The following ADGRB3 variants were observed in gnomAD, a reference collection of about 807,000 sequenced individuals.
ADGRB3 encodes adhesion G protein-coupled receptor B3.
Under a neutral mutation model 193.4 loss-of-function variants are expected in ADGRB3, and 37 were observed. The observed-to-expected ratio is 0.19, with a 90% CI of 0.15 to 0.25. ADGRB3 has a LOEUF of 0.25. Among genes scored for constraint, ADGRB3 ranks in the 10% least tolerant of loss-of-function variants. ADGRB3 has a pLI of 1.00. For synonymous variants in ADGRB3, 690 were observed against 644.2 expected, an observed-to-expected ratio of 1.07 and a Z score of -1.08; for missense variants, 1,637 against 1,852.9, an observed-to-expected ratio of 0.88 and a Z score of 2.14.
At chr6:68,760,876 T>A (rs1766383807) in intron 3 of ADGRB3, among the ~76,000 whole-genome samples, 1 of 152,206 alleles carries the variant, frequency 6.6e-6, no homozygotes, top group South Asian at 2.1e-4. Context: ...GCATTCAACA[T>A]GCAATTTAGA....
intron 3 of ADGRB3, among the ~76,000 whole-genome samples, chr6:68,699,156 C>T (rs2127307551): frequency 6.6e-6 from 1 of 152,234 alleles, no homozygotes; most frequent in South Asian, 2.1e-4. Flanking sequence ...GACATTAACT[C>T]TTCTGTATTT....
At chr6:68,913,996 A>T (rs1472917460) in intron 3 of ADGRB3, among the ~76,000 whole-genome samples, 3 of 151,352 alleles carry the variant, frequency 2.0e-5, no homozygotes, top group Admixed American at 1.3e-4. Flanking sequence ...TTAGAGAAAA[A>T]AGAATAAAAA....
At chr6:69,233,563 T>G in intron 18 of ADGRB3, 147 bp downstream of exon 18, 1 of 1,036,000 alleles carries the variant, frequency 9.7e-7, no homozygotes, top group African/African-American at 1.6e-5. Flanking sequence ...CTATAGTAGC[T>G]TGGTGGAATG....
At chr6:68,873,120 C>T in intron 3 of ADGRB3, among the ~76,000 whole-genome samples, 1 of 152,134 alleles carries the variant, frequency 6.6e-6, no homozygotes, top group Non-Finnish European at 1.5e-5. Flanking sequence ...AGGAAAACAG[C>T]ATTGCTGAAA....
chr6:69,060,220 T>TCTCTCTCTC (rs1771697794), intron 15 of ADGRB3, among the ~76,000 whole-genome samples: 62 of 129,542 alleles, frequency 4.8e-4, no homozygotes, highest in Non-Finnish European at 6.7e-4. Context: ...CTCTCTCTCT[T>TCTCTCTCTC]TCTCTCTCTC....
At chr6:69,143,570 A>T (rs1314192053) in intron 17 of ADGRB3, among the ~76,000 whole-genome samples, 2 of 152,172 alleles carry the variant, frequency 1.3e-5, no homozygotes, top group African/African-American at 2.4e-5. Flanking sequence ...ATGCCAAGAG[A>T]CAGGGGTGTA....
intron 17 of ADGRB3, among the ~76,000 whole-genome samples, chr6:69,129,497 A>G (rs949575465): frequency 2.6e-5 from 4 of 152,114 alleles, no homozygotes; most frequent in Non-Finnish European, 5.9e-5. Context: ...AAACATAAGA[A>G]CATTGGAAGA....
At position 68,912,509 on chromosome 6, in the gene ADGRB3, C is replaced by T. The variant is rs193254073; in HGVS notation, c.758-18050C>T. ...CATTAGGTATATCTCCTAATGCTATCCCTCCCCGCTCCCTCCACCCCACAA... is the reference window on the plus strand; with the variant it reads ...CATTAGGTATATCTCCTAATGCTATTCCTCCCCGCTCCCTCCACCCCACAA... On this transcript the variant is annotated intron_variant, in intron 3 of 31. Coordinates refer to ENST00000370598, the MANE Select transcript of ADGRB3 (RefSeq NM_001704.3). 2.3e-3 allele frequency among the ~76,000 whole-genome samples: 352 copies of T among 152,108 alleles called. 3 individuals are homozygous for T. The highest frequency in any genetic ancestry group is 8.1e-3 in the African/African-American group (336 of 41,496).
At chr6:68,836,479 A>G (rs1174948510) in intron 3 of ADGRB3, among the ~76,000 whole-genome samples, 1 of 152,112 alleles carries the variant, frequency 6.6e-6, no homozygotes, top group Non-Finnish European at 1.5e-5. Flanking sequence ...TAGTTTCAGA[A>G]AGAAGATTCA....
chr6:68,960,548 C>A (rs1768203334), intron 8 of ADGRB3, among the ~76,000 whole-genome samples: 1 of 152,174 alleles, frequency 6.6e-6, no homozygotes, highest in Admixed American at 6.5e-5. Context: ...GTGACGGTTC[C>A]TTATTTGTAT....
intron 17 of ADGRB3, among the ~76,000 whole-genome samples, chr6:69,131,116 G>C (rs893820499): frequency 6.6e-6 from 1 of 151,892 alleles, no homozygotes; most frequent in Non-Finnish European, 1.5e-5. Flanking sequence ...TCTAGTATAA[G>C]TTAGCTTGAA....
intron 20 of ADGRB3, among the ~76,000 whole-genome samples, chr6:69,319,421 GT>G (rs1357068891): frequency 2.0e-5 from 3 of 150,870 alleles, no homozygotes; most frequent in African/African-American, 4.8e-5. Context: ...GACATGCTCT[GT>G]TTTTTTATGT....
intron 11 of ADGRB3, among the ~76,000 whole-genome samples, chr6:69,002,147 T>C (rs553766378): frequency 1.3e-5 from 2 of 152,244 alleles, no homozygotes; most frequent in Non-Finnish European, 2.9e-5. Flanking sequence ...TCTAAACGAA[T>C]GATCAGAGGT....
chr6:69,118,233 G>A (rs1773587133), intron 17 of ADGRB3, among the ~76,000 whole-genome samples: 1 of 152,028 alleles, frequency 6.6e-6, no homozygotes, highest in South Asian at 2.1e-4. Flanking sequence ...AATTCTTCTT[G>A]GAGCCCAGAG....
At chr6:69,104,499 A>G (rs1193985118) in intron 17 of ADGRB3, among the ~76,000 whole-genome samples, 1 of 151,892 alleles carries the variant, frequency 6.6e-6, no homozygotes, top group Non-Finnish European at 1.5e-5. Context: ...ATGGTTCAGG[A>G]TAGAGCTTAA....
intron 3 of ADGRB3, among the ~76,000 whole-genome samples, chr6:68,867,567 C>T (rs961249949): frequency 1.3e-5 from 2 of 152,138 alleles, no homozygotes; most frequent in Non-Finnish European, 2.9e-5. Context: ...AAAGAAGCCA[C>T]CATTCTCCAG....
At chr6:69,147,523 A>G (rs140708262) in intron 17 of ADGRB3, among the ~76,000 whole-genome samples, 117 of 152,080 alleles carry the variant, frequency 7.7e-4, no homozygotes, top group Non-Finnish European at 1.5e-3. Context: ...ATATGATTTA[A>G]TTTTTTTTAA....
At chr6:69,333,829 C>T (rs1218372596) in intron 24 of ADGRB3, among the ~76,000 whole-genome samples, 1 of 150,980 alleles carries the variant, frequency 6.6e-6, no homozygotes, top group Non-Finnish European at 1.5e-5. Flanking sequence ...ACTCGGGAGG[C>T]TGAGGCAGGA....
chr6:68,817,073 C>T (rs1198085003), intron 3 of ADGRB3, among the ~76,000 whole-genome samples: 2 of 151,462 alleles, frequency 1.3e-5, no homozygotes, highest in African/African-American at 4.8e-5. Context: ...GACCAAAATT[C>T]CTGAGTGTAG....
Sources: gnomAD v4.1 joint callset for allele counts (sites outside exome capture counted in the v4.1 genomes callset) on GRCh38, gnomAD v4.1.1 for gene constraint, MANE v1.5 for transcripts, NCBI Gene and HGNC (gene_info 2026-07-23, HGNC 2026-07-21) for gene names.